Variants in NSMCE2 observed in about 807,000 individuals in gnomAD.
NSMCE2 encodes the protein E3 SUMO-protein ligase NSE2.
In NSMCE2, 24 loss-of-function variants were observed where a neutral mutation model predicts 23.8. The observed-to-expected ratio is 1.01, with a 90% CI of 0.73 to 1.42. NSMCE2 has a LOEUF of 1.42. Ranked by LOEUF, NSMCE2 falls within the 40% of genes most tolerant of loss-of-function variation. The pLI, the probability that NSMCE2 is intolerant of heterozygous loss-of-function variation, is 0.00. For missense variants in NSMCE2, 284 were observed against 296.5 expected, an observed-to-expected ratio of 0.96 and a Z score of 0.31; for synonymous variants, 92 against 94.1, an observed-to-expected ratio of 0.98 and a Z score of 0.13.
chr8:125,363,673 G>A (rs1205835487), intron 7 of NSMCE2, among the ~76,000 whole-genome samples: 1 of 137,088 alleles, frequency 7.3e-6, no homozygotes, highest in African/African-American at 2.7e-5. Context: ...GGAGGGCGGG[G>A]AGGGAGGGAA....
chr8:125,355,053 C>T (rs1813195071), intron 5 of NSMCE2, among the ~76,000 whole-genome samples: 1 of 152,184 alleles, frequency 6.6e-6, no homozygotes, highest in Non-Finnish European at 1.5e-5. Context: ...TGGGTCCCAT[C>T]CCCCAAGATA....
intron 5 of NSMCE2, among the ~76,000 whole-genome samples, chr8:125,210,975 C>G (rs1327352345): frequency 6.6e-6 from 1 of 152,122 alleles, no homozygotes; most frequent in Non-Finnish European, 1.5e-5. Flanking sequence ...TCAAGTGATT[C>G]ACCTGCCTTG....
At chr8:125,357,617 G>T (rs893395274) in intron 6 of NSMCE2, 95 bp from the exon 7 acceptor site, 2 of 872,132 alleles carry the variant, frequency 2.3e-6, no homozygotes, top group Non-Finnish European at 3.8e-6. Flanking sequence ...CATGAGAATG[G>T]GAAGTTAAAC....
intron 5 of NSMCE2, among the ~76,000 whole-genome samples, chr8:125,326,149 C>T (rs986182741): frequency 6.7e-5 from 10 of 150,092 alleles, no homozygotes; most frequent in African/African-American, 1.7e-4. Flanking sequence ...CCCAGCTACT[C>T]GGGAGGCTGA....
At chr8:125,203,213 G>C (rs1363622899) in intron 5 of NSMCE2, among the ~76,000 whole-genome samples, 1 of 151,412 alleles carries the variant, frequency 6.6e-6, no homozygotes, top group East Asian at 1.9e-4. Context: ...AAAATCACCA[G>C]ATAACTTATC....
chr8:125,311,322 A>T (rs1160861411), intron 5 of NSMCE2, among the ~76,000 whole-genome samples: 1 of 152,232 alleles, frequency 6.6e-6, no homozygotes, highest in East Asian at 1.9e-4. Flanking sequence ...TAAAACCTAG[A>T]ATCTTTGTAG....
At chr8:125,213,725 TTTCCTTCC>T (rs889475299) in intron 5 of NSMCE2, among the ~76,000 whole-genome samples, 4 of 146,612 alleles carry the variant, frequency 2.7e-5, no homozygotes, top group Non-Finnish European at 4.5e-5. Context: ...TCCTTCCTTA[TTTCCTTCC>T]TTCCTTCCTT....
chr8:125,341,897 GAAAAAAAAAA>G (rs61204647), intron 5 of NSMCE2, among the ~76,000 whole-genome samples: 4 of 83,240 alleles, frequency 4.8e-5, no homozygotes, highest in East Asian at 3.9e-4. Flanking sequence ...TCTAGAAATG[GAAAAAAAAAA>G]AAAAAAAAAA....
intron 5 of NSMCE2, among the ~76,000 whole-genome samples, chr8:125,267,860 T>C (rs1440814943): frequency 6.6e-6 from 1 of 152,078 alleles, no homozygotes; most frequent in African/African-American, 2.4e-5. Context: ...ATCAAACTCA[T>C]TTTTCAAAAA....
At chr8:125,232,856 G>T (rs1479680845) in intron 5 of NSMCE2, among the ~76,000 whole-genome samples, 1 of 152,154 alleles carries the variant, frequency 6.6e-6, no homozygotes, top group African/African-American at 2.4e-5. Flanking sequence ...TAGGTTGGTA[G>T]TTGAGACTAA....
chr8:125,284,209 A>T (rs1827808594), intron 5 of NSMCE2, among the ~76,000 whole-genome samples: 2 of 144,438 alleles, frequency 1.4e-5, no homozygotes, highest in Admixed American at 1.4e-4. Flanking sequence ...AAAAAAAAAA[A>T]GAAAAAAAAT....
chr8:125,148,816 T>C (rs1418535536), intron 3 of NSMCE2, among the ~76,000 whole-genome samples: 1 of 152,158 alleles, frequency 6.6e-6, no homozygotes, highest in African/African-American at 2.4e-5. Context: ...AAAAAATAAA[T>C]TACAGGTTAA....
Position 125,281,583 on chromosome 8 carries a change from G to A in NSMCE2, c.419-75636G>A, listed in dbSNP as rs142147439. On this transcript the variant is annotated intron_variant, in intron 5 of 7. Coordinates refer to ENST00000287437, the MANE Select transcript of NSMCE2 (RefSeq NM_173685.4). ...GCCTCCTGAGTAGCTGTAATTACAGGAGTGCGCCATCACACCCAGCTGATT... is the reference window on the plus strand; with the variant it reads ...GCCTCCTGAGTAGCTGTAATTACAGAAGTGCGCCATCACACCCAGCTGATT... 6.0e-4 allele frequency among the ~76,000 whole-genome samples: 92 copies of A among 152,078 alleles called. 1 individual carries two copies. The highest frequency in any genetic ancestry group is 2.1e-3 in the African/African-American group (86 of 41,476).
chr8:125,129,104 T>C (rs969829397), intron 3 of NSMCE2, among the ~76,000 whole-genome samples: 1 of 152,122 alleles, frequency 6.6e-6, no homozygotes, highest in African/African-American at 2.4e-5. Flanking sequence ...GATAAAGATA[T>C]AGATATGACA....
intron 5 of NSMCE2, among the ~76,000 whole-genome samples, chr8:125,278,622 T>C (rs900588364): frequency 2.0e-5 from 3 of 152,186 alleles, no homozygotes; most frequent in African/African-American, 7.2e-5. Flanking sequence ...TCCTCAGCAA[T>C]GAGTGTTGAA....
At chr8:125,125,060 G>T (rs1340207374) in intron 3 of NSMCE2, among the ~76,000 whole-genome samples, 2 of 152,112 alleles carry the variant, frequency 1.3e-5, no homozygotes, top group African/African-American at 2.4e-5. Context: ...CTCCCAAAGT[G>T]CTGGGACTAC....
intron 3 of NSMCE2, among the ~76,000 whole-genome samples, chr8:125,143,871 G>A (rs1440737770): frequency 6.6e-6 from 1 of 152,152 alleles, no homozygotes; most frequent in Non-Finnish European, 1.5e-5. Flanking sequence ...TAAAGGTAAA[G>A]AAGTTTTGTA....
intron 5 of NSMCE2, among the ~76,000 whole-genome samples, chr8:125,293,737 C>A (rs1828208345): frequency 1.3e-5 from 2 of 152,156 alleles, no homozygotes; most frequent in Non-Finnish European, 2.9e-5. Context: ...GCTTTGGAGT[C>A]CCAAGTTAGA....
intron 5 of NSMCE2, among the ~76,000 whole-genome samples, chr8:125,192,381 G>A (rs971914844): frequency 1.1e-4 from 17 of 150,458 alleles, no homozygotes; most frequent in African/African-American, 3.4e-4. Flanking sequence ...ATCTTAGTGC[G>A]TGGTGTGTTA....
Sources: gnomAD v4.1 joint callset for allele counts (sites outside exome capture counted in the v4.1 genomes callset) on GRCh38, gnomAD v4.1.1 for gene constraint, MANE v1.5 for transcripts, NCBI Gene and HGNC (gene_info 2026-07-23, HGNC 2026-07-21) for gene names.